The following MEIS1 variants were observed in gnomAD, a reference collection of about 807,000 sequenced individuals.
MEIS1 encodes the protein homeobox protein Meis1.
In MEIS1, 5 loss-of-function variants were observed where a neutral mutation model predicts 50.8. The ratio of observed to expected loss-of-function variants is 0.10; its 90% CI spans 0.05 to 0.21. The LOEUF (loss-of-function observed/expected upper bound fraction) is 0.21, where lower values mean the gene tolerates loss of function less well. MEIS1 is among the 10% of genes least tolerant of loss of function. The probability of loss-of-function intolerance (pLI) is 1.00; values close to 1 mark genes in which losing one functional copy is unlikely to be tolerated. For missense variants in MEIS1, 318 were observed against 517.3 expected (o/e 0.61, Z 3.74); for synonymous variants, 176 against 179.3 (o/e 0.98, Z 0.15).
At chr2:66,468,967 A>G (rs1318588314) in intron 7 of MEIS1, among the ~76,000 whole-genome samples, 1 of 152,230 alleles carries the variant, frequency 6.6e-6, no homozygotes, top group Non-Finnish European at 1.5e-5. Context: ...TTAAGAATAG[A>G]AGCATGGGAA....
chr2:66,461,809 C>T (rs184306180), intron 6 of MEIS1: 88 of 465,220 alleles, frequency 1.9e-4, no homozygotes, highest in Admixed American at 1.3e-3. Context: ...CAGATCATAG[C>T]GGAATCAGAA....
chr2:66,444,947 A>G (rs1432529628), intron 6 of MEIS1, among the ~76,000 whole-genome samples: 1 of 152,182 alleles, frequency 6.6e-6, no homozygotes, highest in Non-Finnish European at 1.5e-5. Context: ...TTATTTTATT[A>G]AAGTCAAAGA....
intron 7 of MEIS1, among the ~76,000 whole-genome samples, chr2:66,493,910 A>G (rs537145309): frequency 5.3e-5 from 8 of 152,226 alleles, no homozygotes; most frequent in Non-Finnish European, 8.8e-5. Flanking sequence ...AGAGAGAAAG[A>G]GAATATGAGA....
intron 7 of MEIS1, among the ~76,000 whole-genome samples, chr2:66,493,995 C>T (rs1673335472): frequency 1.3e-5 from 2 of 152,112 alleles, no homozygotes; most frequent in South Asian, 4.1e-4. Flanking sequence ...CTTTAGCCAT[C>T]TAATTGTTTC....
intron 9 of MEIS1, among the ~76,000 whole-genome samples, chr2:66,548,947 A>G (rs570683324): frequency 2.0e-5 from 3 of 152,178 alleles, no homozygotes; most frequent in East Asian, 1.9e-4. Context: ...TTTCTGTTCA[A>G]TAAGTGTCAA....
chr2:66,441,292 T>C, intron 4 of MEIS1, 122 bp from the exon 5 acceptor site: 1 of 771,806 alleles, frequency 1.3e-6, no homozygotes, highest in Admixed American at 3.6e-5. Flanking sequence ...TTAGTGTTAT[T>C]GCCATAAATC....
chr2:66,440,793 T>A (rs1267563683), intron 4 of MEIS1, 181 bp downstream of exon 4: 1 of 581,818 alleles, frequency 1.7e-6, no homozygotes, highest in Admixed American at 3.2e-5. Flanking sequence ...GGGAAATAAA[T>A]TCATCTCGAG....
At chr2:66,559,565 A>G (rs964941086) in intron 9 of MEIS1, among the ~76,000 whole-genome samples, 8 of 152,188 alleles carry the variant, frequency 5.3e-5, no homozygotes, top group Non-Finnish European at 8.8e-5. Context: ...TGGTTCATCT[A>G]TTAAACTAAA....
Position 66,439,966 on chromosome 2 carries a change from A to G in MEIS1, c.363A>G (p.Ile121Met). The G allele has an allele frequency of 6.2e-7, 1 of 1,612,492 alleles. No individual in the cohort carries two copies. Among genetic ancestry groups the G allele is most frequent in the South Asian group, 1.1e-5 (1 of 90,766 alleles). ...VCSSESFNEDIAVFAKQIRAE... is the reference protein window; with the variant it reads ...VCSSESFNEDMAVFAKQIRAE... ...CGTCAGAGTCATTCAATGAAGATATAGCCGTGTTCGCCAAACAGGTCAGCA... is the reference window on the plus strand; with the variant it reads ...CGTCAGAGTCATTCAATGAAGATATGGCCGTGTTCGCCAAACAGGTCAGCA... Residue 121 changes from isoleucine (I) to methionine (M), a missense_variant, in exon 3 of 13, where the codon ATA (isoleucine) becomes ATG (methionine). Ile to Met is a conservative substitution (Grantham distance 10). Coordinates refer to ENST00000272369, the MANE Select transcript of MEIS1 (RefSeq NM_002398.3).
At chr2:66,470,897 T>C (rs1672747277) in intron 7 of MEIS1, among the ~76,000 whole-genome samples, 1 of 152,222 alleles carries the variant, frequency 6.6e-6, no homozygotes, top group Non-Finnish European at 1.5e-5. Context: ...TTCTGTCTTT[T>C]TCTGTAAGGT....
chr2:66,532,433 C>T (rs1674416424), intron 8 of MEIS1, among the ~76,000 whole-genome samples: 1 of 151,606 alleles, frequency 6.6e-6, no homozygotes, highest in African/African-American at 2.4e-5. Context: ...AAGCATGGAA[C>T]AATCACAAGG....
intron 9 of MEIS1, among the ~76,000 whole-genome samples, chr2:66,559,123 C>CAGAGAGAG (rs58790798): frequency 0.019 from 2,849 of 148,038 alleles, 53 homozygotes; most frequent in African/African-American, 0.049. Context: ...GCCTGGGTGA[C>CAGAGAGAG]AGAGAGAGAG....
intron 8 of MEIS1, 22 bp downstream of exon 8, chr2:66,512,316 T>C: frequency 6.2e-7 from 1 of 1,601,318 alleles, no homozygotes. Context: ...CTAAATGACA[T>C]ATATAAACTA....
At chr2:66,499,612 C>T (rs1673498430) in intron 7 of MEIS1, among the ~76,000 whole-genome samples, 1 of 151,074 alleles carries the variant, frequency 6.6e-6, no homozygotes, top group South Asian at 2.1e-4. Context: ...GGTTGCAACC[C>T]ATGTAGCCGA....
rs758814724 is a variant in MEIS1 at position 66,547,987 on chromosome 2, C to T, written c.933C>T (p.Asp311=). Residue 311 remains aspartate (D), a synonymous_variant, in exon 9 of 13, where the codon GAC becomes GAT. Coordinates refer to ENST00000272369, the MANE Select transcript of MEIS1 (RefSeq NM_002398.3). ...SEEQKKQLAQ[D]TGLTILQVNN... ...AACAGAAAAAGCAGTTGGCACAAGA[C>T]ACGGGACTCACCATCCTTCAAGTGA... 5 of 1,613,050 alleles carry T rather than the reference C, an allele frequency of 3.1e-6. No individual in the cohort carries two copies. Among genetic ancestry groups the T allele is most frequent in the Non-Finnish European group, 4.2e-6 (5 of 1,179,324 alleles).
At chr2:66,447,025 C>T (rs1672168913) in intron 6 of MEIS1, among the ~76,000 whole-genome samples, 1 of 152,206 alleles carries the variant, frequency 6.6e-6, no homozygotes, top group African/African-American at 2.4e-5. Flanking sequence ...GAAATTCTTG[C>T]AAGGGAGATT....
At chr2:66,549,131 C>A (rs1674857744) in intron 9 of MEIS1, among the ~76,000 whole-genome samples, 1 of 152,144 alleles carries the variant, frequency 6.6e-6, no homozygotes, top group South Asian at 2.1e-4. Context: ...TAATTTCTGT[C>A]AATATAATCC....
intron 9 of MEIS1, among the ~76,000 whole-genome samples, chr2:66,557,995 G>A (rs1301746669): frequency 6.6e-6 from 1 of 152,116 alleles, no homozygotes; most frequent in African/African-American, 2.4e-5. Context: ...GAAAAGGAAA[G>A]TTGGCTGGGC....
At chr2:66,570,732 AG>A (rs1675466380) in intron 12 of MEIS1, 1 of 153,152 alleles carries the variant, frequency 6.5e-6, no homozygotes, top group East Asian at 1.9e-4. Context: ...AATCATTATA[AG>A]GTGGACAGTG....
Sources: allele counts gnomAD v4.1 joint callset (sites outside exome capture counted in the v4.1 genomes callset), GRCh38; gene constraint gnomAD v4.1.1; transcripts MANE v1.5; gene names NCBI Gene and HGNC (gene_info 2026-07-23, HGNC 2026-07-21).